The following NRXN1 variants were observed in gnomAD, a reference collection of about 807,000 sequenced individuals.
NRXN1 encodes neurexin-1.
NRXN1 carries 39 observed loss-of-function variants against 150.9 expected under a neutral mutation model. The observed-to-expected ratio is 0.26, with a 90% confidence interval of 0.20 to 0.34. The LOEUF (loss-of-function observed/expected upper bound fraction) is 0.34. Ranked by LOEUF, NRXN1 falls within the 10% of genes least tolerant of loss-of-function variation. NRXN1 has a pLI of 1.00. For missense variants in NRXN1, 1,815 were observed against 1,949.9 expected, an observed-to-expected ratio of 0.93 and a Z score of 1.30; for synonymous variants, 924 against 757.0, an observed-to-expected ratio of 1.22 and a Z score of -3.62.
intron 5 of NRXN1, among the ~76,000 whole-genome samples, chr2:50,641,800 C>A (rs1304640704): frequency 6.6e-6 from 1 of 152,068 alleles, no homozygotes; most frequent in Non-Finnish European, 1.5e-5. Flanking sequence ...AGTTATTCAG[C>A]AGAACAGCCA....
chr2:50,346,869 T>TGCGCCG lies in NRXN1; in HGVS notation c.3365-109905_3365-109900dup, dbSNP rs2078027016. ...TCCAAAGCAGGGCCAGGCGCCCCCC[T>TGCGCCG]GCGCCGCCGCCGCCGCCGCCGCCGC... is the stretch of plus-strand genomic sequence containing the variant. On this transcript the variant is annotated intron_variant, in intron 17 of 22. Transcript: ENST00000401669. This position sits in a 1 kb window ranked among gnomAD's most constrained non-coding sequence, Gnocchi z 5.0. 7.2e-7 allele frequency: 1 copy of TGCGCCG among 1,382,378 alleles called. No homozygotes were observed. The allele number at this position is 1,382,378 out of a possible 1,614,324, so 85.6% of individuals were successfully genotyped here.
chr2:50,366,571 C>CTTGCT (rs1349198534), intron 17 of NRXN1, among the ~76,000 whole-genome samples: 2 of 151,996 alleles, frequency 1.3e-5, no homozygotes, highest in Non-Finnish European at 2.9e-5. Flanking sequence ...CTTTCCAAAA[C>CTTGCT]ATCCTTAGAG....
chr2:50,160,890 CT>C (rs1253655933), intron 18 of NRXN1, among the ~76,000 whole-genome samples: 8 of 151,950 alleles, frequency 5.3e-5, no homozygotes, highest in African/African-American at 1.9e-4. Flanking sequence ...TTATACATAT[CT>C]TTTTTTTAGA....
At chr2:50,008,191 A>G (rs10192677) in intron 21 of NRXN1, among the ~76,000 whole-genome samples, 48,954 of 152,010 alleles carry the variant, frequency 0.32, 8,243 homozygotes, top group East Asian at 0.49. Context: ...GCATTGATAC[A>G]TGGTTTTCCA....
At chr2:50,252,722 G>A (rs13004323) in intron 17 of NRXN1, among the ~76,000 whole-genome samples, 129,774 of 152,094 alleles carry the variant, frequency 0.85, 55,815 homozygotes, top group African/African-American at 0.96. Context: ...CGAAGATCAG[G>A]TGGTTGTAGA....
chr2:50,243,587 A>G (rs1025331313), intron 17 of NRXN1, among the ~76,000 whole-genome samples: 1 of 151,852 alleles, frequency 6.6e-6, no homozygotes, highest in African/African-American at 2.4e-5. Context: ...TCCACACACT[A>G]TTCCACCAAA....
intron 5 of NRXN1, among the ~76,000 whole-genome samples, chr2:50,854,768 G>C (rs777490704): frequency 6.6e-6 from 1 of 151,976 alleles, no homozygotes; most frequent in Non-Finnish European, 1.5e-5. Flanking sequence ...TTGGGATACT[G>C]TTTATAGCTA....
intron 5 of NRXN1, among the ~76,000 whole-genome samples, chr2:50,858,319 G>T (rs936578154): frequency 6.6e-6 from 1 of 152,082 alleles, no homozygotes; most frequent in African/African-American, 2.4e-5. Flanking sequence ...CACCACCATT[G>T]TCTCACTGTT....
At position 50,496,020 on chromosome 2, in the gene NRXN1, G is replaced by T. The variant is rs1267152134; in HGVS notation, c.2955C>A (p.Asp985Glu). 1 of 1,613,456 alleles carries T rather than the reference G, an allele frequency of 6.2e-7. No individual in the cohort carries two copies. The highest frequency in any genetic ancestry group is 8.5e-7 in the Non-Finnish European group (1 of 1,179,636). The change falls in exon 15 of 23, where the codon GAC becomes GAA. Residue 985 changes from aspartate (D) to glutamate (E), a missense_variant. Asp to Glu is a conservative substitution (Grantham distance 45). Around this residue, in one of 6 missense-constraint regions of NRXN1, gnomAD observed 339 missense variants for 440.3 expected, o/e 0.77. Coordinates refer to ENST00000401669, the MANE Select transcript of NRXN1 (RefSeq NM_001330078.2). The stretch of plus-strand genomic sequence containing the variant: ...ATATCATCACGTTGTGCCACTGATT[G>T]TCATTGAGAGGTTTATTTGAGCTTC... ...IKGSSNKPLNDNQWHNVMISR... is the reference protein window; with the variant it reads ...IKGSSNKPLNENQWHNVMISR...
chr2:50,600,324 T>TC (rs1676040054), intron 8 of NRXN1, among the ~76,000 whole-genome samples: 1 of 140,342 alleles, frequency 7.1e-6, no homozygotes. Context: ...AGACTAGCTT[T>TC]TTTTTTTTTT....
intron 17 of NRXN1, among the ~76,000 whole-genome samples, chr2:50,251,930 T>C (rs2067131231): frequency 6.6e-6 from 1 of 152,186 alleles, no homozygotes; most frequent in Middle Eastern, 3.2e-3. Context: ...ATTCTGGATA[T>C]TAGACCTTTG....
intron 5 of NRXN1, among the ~76,000 whole-genome samples, chr2:50,708,825 G>C (rs13031783): frequency 0.094 from 14,226 of 152,104 alleles, 905 homozygotes; most frequent in Non-Finnish European, 0.14. Flanking sequence ...GCCAGAGCAG[G>C]GATCCAGGGT....
At chr2:50,261,359 G>A (rs1367479245) in intron 17 of NRXN1, among the ~76,000 whole-genome samples, 1 of 151,788 alleles carries the variant, frequency 6.6e-6, no homozygotes, top group Non-Finnish European at 1.5e-5. Context: ...GGTACGCTCA[G>A]AGAGATTCAT....
rs1678849053 is a variant in NRXN1, at chr2:49,975,720, C to A, written c.4129-31929G>T. Among the ~76,000 whole-genome samples, 6 of 152,032 alleles carry A rather than the reference C, an allele frequency of 3.9e-5. 1 individual carries two copies. In the South Asian group the frequency reaches 1.2e-3, roughly 32 times the overall value. On this transcript the variant is annotated intron_variant, in intron 21 of 22. Coordinates refer to ENST00000401669, the MANE Select transcript of NRXN1 (RefSeq NM_001330078.2). ...GACTCAGAGCACCTGTCATTAAAAA[C>A]AAAATAATAATAAAACATCAACACT...
chr2:50,512,624 T>A (rs2092491791), intron 12 of NRXN1, among the ~76,000 whole-genome samples: 1 of 152,172 alleles, frequency 6.6e-6, no homozygotes, highest in African/African-American at 2.4e-5. Flanking sequence ...GTCTTCCTTG[T>A]TATTGGCAGG....
intron 21 of NRXN1, among the ~76,000 whole-genome samples, chr2:49,987,129 T>C (rs1380025031): frequency 6.6e-6 from 1 of 152,162 alleles, no homozygotes; most frequent in South Asian, 2.1e-4. Flanking sequence ...TTCCTCCTTA[T>C]CTAACTGTAA....
chr2:49,974,111 G>A, intron 21 of NRXN1: 1 of 716,264 alleles, frequency 1.4e-6, no homozygotes. Flanking sequence ...AGAGCTCCCT[G>A]ACTCAGTGGG....
chr2:50,847,540 G>A (rs555582232), intron 5 of NRXN1, among the ~76,000 whole-genome samples: 14 of 152,156 alleles, frequency 9.2e-5, no homozygotes, highest in Non-Finnish European at 1.9e-4. Flanking sequence ...CACGGACCCA[G>A]GTGAGAACAG....
chr2:50,624,973 C>T (rs941639595), intron 5 of NRXN1: 1 of 151,774 alleles, frequency 6.6e-6, no homozygotes, highest in African/African-American at 2.4e-5. Flanking sequence ...TGATGCTGTG[C>T]CAAGAAAAAT....
Sources: gnomAD v4.1 joint callset for allele counts (sites outside exome capture counted in the v4.1 genomes callset) on GRCh38, gnomAD v4.1.1 for gene constraint, gnomAD v4.1.1 regional missense constraint, Gnocchi (gnomAD v3.1) non-coding constraint, MANE v1.5 for transcripts, NCBI Gene and HGNC (gene_info 2026-07-23, HGNC 2026-07-21) for gene names.